VOPP1: variants seen among roughly 807,000 people sequenced by gnomAD.
VOPP1 encodes WW domain binding protein VOPP1.
VOPP1 carries 8 observed loss-of-function variants against 23.5 expected under a neutral mutation model. The observed-to-expected ratio is 0.34, with a 90% CI of 0.20 to 0.61. The LOEUF is 0.61. Among genes scored for constraint, VOPP1 ranks in the 20% least tolerant of loss-of-function variants. VOPP1 has a pLI of 0.78. For synonymous variants in VOPP1, 83 were observed against 97.3 expected, an observed-to-expected ratio of 0.85 and a Z score of 0.86; for missense variants, 174 against 238.1, an observed-to-expected ratio of 0.73 and a Z score of 1.77.
intron 4 of VOPP1, among the ~76,000 whole-genome samples, chr7:55,451,252 G>C (rs1791236166): frequency 6.6e-6 from 1 of 152,114 alleles, no homozygotes; most frequent in Non-Finnish European, 1.5e-5. Context: ...ATCTGAGACA[G>C]GAACATTACA....
intron 4 of VOPP1, among the ~76,000 whole-genome samples, chr7:55,436,645 C>CGTGG (rs71031855): frequency 0.27 from 40,343 of 149,014 alleles, 5,828 homozygotes; most frequent in Non-Finnish European, 0.33. Context: ...TGTGTGCGTG[C>CGTGG]GTGGGTGTGT....
intron 1 of VOPP1, among the ~76,000 whole-genome samples, chr7:55,570,429 T>C (rs1034692354): frequency 6.6e-6 from 1 of 152,198 alleles, no homozygotes; most frequent in African/African-American, 2.4e-5. Flanking sequence ...ATCACACTTC[T>C]GCCTTTAAGG....
intron 1 of VOPP1, among the ~76,000 whole-genome samples, chr7:55,562,940 A>G (rs1798037772): frequency 6.6e-6 from 1 of 152,248 alleles, no homozygotes; most frequent in South Asian, 2.1e-4. Flanking sequence ...GTCTGGGCAC[A>G]TCACTCGGAA....
chr7:55,544,301 CAAG>C (rs535243401), intron 1 of VOPP1, among the ~76,000 whole-genome samples: 49 of 152,178 alleles, frequency 3.2e-4, no homozygotes, highest in African/African-American at 1.1e-3. Context: ...AAAAGCGACA[CAAG>C]AAGAAGAAAA....
intron 1 of VOPP1, among the ~76,000 whole-genome samples, chr7:55,532,063 T>A (rs1331514610): frequency 1.3e-5 from 2 of 152,250 alleles, no homozygotes; most frequent in Non-Finnish European, 2.9e-5. Flanking sequence ...TGACTTCTAT[T>A]TTAGAAGAAA....
intron 1 of VOPP1, among the ~76,000 whole-genome samples, chr7:55,537,097 T>C (rs941871732): frequency 4.6e-5 from 7 of 152,036 alleles, no homozygotes. Context: ...GAGTCCAAGA[T>C]CTCTCGGCCT....
At chr7:55,546,980 A>G (rs1797392470) in intron 1 of VOPP1, among the ~76,000 whole-genome samples, 1 of 152,266 alleles carries the variant, frequency 6.6e-6, no homozygotes, top group African/African-American at 2.4e-5. Context: ...TGAGCGAGTC[A>G]GAGCAGAGAT....
At chr7:55,516,934 T>A (rs4363152) in intron 2 of VOPP1, among the ~76,000 whole-genome samples, 245 of 31,990 alleles carry the variant, frequency 7.7e-3, no homozygotes, top group Admixed American at 9.2e-3. Flanking sequence ...ATATATATAT[T>A]TTTTTTTTTT....
At chr7:55,535,426 T>C (rs1485786196) in intron 1 of VOPP1, among the ~76,000 whole-genome samples, 1 of 152,174 alleles carries the variant, frequency 6.6e-6, no homozygotes, top group African/African-American at 2.4e-5. Context: ...GCTGCCTCAC[T>C]GAGGGTGAAG....
intron 1 of VOPP1, among the ~76,000 whole-genome samples, chr7:55,522,413 G>T (rs1795925522): frequency 6.6e-6 from 1 of 152,206 alleles, no homozygotes; most frequent in South Asian, 2.1e-4. Flanking sequence ...TTTAGACTAG[G>T]TTAGCTCCTG....
chr7:55,564,412 G>C (rs1056363553), intron 1 of VOPP1, among the ~76,000 whole-genome samples: 1 of 152,062 alleles, frequency 6.6e-6, no homozygotes, highest in Non-Finnish European at 1.5e-5. Context: ...CAACTAAAGA[G>C]CTAAAGAGTT....
At chr7:55,443,148 T>C (rs563340295) in intron 4 of VOPP1, among the ~76,000 whole-genome samples, 1 of 151,660 alleles carries the variant, frequency 6.6e-6, no homozygotes, top group East Asian at 1.9e-4. Flanking sequence ...AACTAAAAAA[T>C]AAAAAGCAAA....
intron 4 of VOPP1, among the ~76,000 whole-genome samples, chr7:55,491,494 C>T (rs761945158): frequency 3.3e-5 from 5 of 151,608 alleles, no homozygotes; most frequent in Non-Finnish European, 5.9e-5. Flanking sequence ...ACCCCTCTGC[C>T]CAGCCTCACT....
chr7:55,444,577 G>A (rs961943305), intron 4 of VOPP1, among the ~76,000 whole-genome samples: 1 of 152,128 alleles, frequency 6.6e-6, no homozygotes. Context: ...GGGCCACTCT[G>A]GAAACTGGAT....
chr7:55,540,064 C>T (rs1429144628), intron 1 of VOPP1, among the ~76,000 whole-genome samples: 2 of 152,090 alleles, frequency 1.3e-5, no homozygotes, highest in Non-Finnish European at 2.9e-5. Context: ...TGTTGGCGAA[C>T]TTCCCTGGCT....
chr7:55,552,443 A>G (rs1200398048), intron 1 of VOPP1, among the ~76,000 whole-genome samples: 1 of 152,200 alleles, frequency 6.6e-6, no homozygotes, highest in Non-Finnish European at 1.5e-5. Context: ...ACACATATTA[A>G]GGATGCCAGC....
intron 1 of VOPP1, among the ~76,000 whole-genome samples, chr7:55,571,044 C>T (rs6962657): frequency 0.021 from 3,231 of 152,260 alleles, 115 homozygotes; most frequent in African/African-American, 0.074. Context: ...TTACTGGTCT[C>T]TGATTCACTT....
chr7:55,495,862 AT>A (rs1793913088), intron 3 of VOPP1, among the ~76,000 whole-genome samples: 2 of 152,342 alleles, frequency 1.3e-5, no homozygotes, highest in African/African-American at 4.8e-5. Flanking sequence ...CTCAACATTA[AT>A]GACTCAGCCC....
chr7:55,509,924 T>C (rs573390212), intron 2 of VOPP1, among the ~76,000 whole-genome samples: 3 of 152,328 alleles, frequency 2.0e-5, no homozygotes, highest in African/African-American at 7.2e-5. Context: ...GCCCTATTTC[T>C]ACAGGAGTTG....
Sources: gnomAD v4.1 joint callset for allele counts (sites outside exome capture counted in the v4.1 genomes callset) on GRCh38, gnomAD v4.1.1 for gene constraint, MANE v1.5 for transcripts, NCBI Gene and HGNC (gene_info 2026-07-23, HGNC 2026-07-21) for gene names.